The following DCLK2 variants were observed in gnomAD, a reference collection of about 807,000 sequenced individuals.
DCLK2 encodes doublecortin like kinase 2.
DCLK2 carries 31 observed loss-of-function variants against 78.4 expected under a neutral mutation model. The observed-to-expected ratio is 0.40, with a 90% confidence interval of 0.30 to 0.53. The LOEUF (loss-of-function observed/expected upper bound fraction) is 0.53. DCLK2 is among the 20% of genes least tolerant of loss of function. The probability of loss-of-function intolerance (pLI) is 0.61; values close to 1 mark genes in which losing one functional copy is unlikely to be tolerated. For synonymous variants in DCLK2, 407 were observed against 374.9 expected (o/e 1.09, Z -0.99); for missense variants, 872 against 973.7 (o/e 0.90, Z 1.39).
At chr4:150,249,930 T>C (rs2305979) in intron 15 of DCLK2, among the ~76,000 whole-genome samples, 26,046 of 151,978 alleles carry the variant, frequency 0.17, 3,052 homozygotes, top group East Asian at 0.41. Flanking sequence ...AGCTCCTGGC[T>C]GGGCCCTCTG....
intron 2 of DCLK2, among the ~76,000 whole-genome samples, chr4:150,180,527 C>T (rs1010902032): frequency 2.6e-5 from 4 of 152,204 alleles, no homozygotes; most frequent in Non-Finnish European, 4.4e-5. Flanking sequence ...TCTGCTTGAA[C>T]ACGTTCCACT....
chr4:150,195,073 G>A (rs1332402408), intron 3 of DCLK2, among the ~76,000 whole-genome samples: 2 of 140,230 alleles, frequency 1.4e-5, no homozygotes, highest in Admixed American at 1.7e-4. Context: ...ATAATGTCCT[G>A]TTACGTTATC....
chr4:150,126,973 C>T (rs1035616351), intron 2 of DCLK2, among the ~76,000 whole-genome samples: 9 of 152,154 alleles, frequency 5.9e-5, no homozygotes, highest in South Asian at 2.1e-4. Context: ...TGCTTTGTAC[C>T]GTTTGCTTCA....
intron 2 of DCLK2, among the ~76,000 whole-genome samples, chr4:150,153,692 G>C (rs1735056378): frequency 6.6e-6 from 1 of 151,986 alleles, no homozygotes; most frequent in Non-Finnish European, 1.5e-5. Context: ...CAGGATTATA[G>C]ATGTGAGCCA....
chr4:150,137,643 C>T (rs1457324021), intron 2 of DCLK2, among the ~76,000 whole-genome samples: 1 of 152,002 alleles, frequency 6.6e-6, no homozygotes, highest in Non-Finnish European at 1.5e-5. Context: ...AAAAATTTAC[C>T]AGGAACTTCC....
intron 12 of DCLK2, among the ~76,000 whole-genome samples, chr4:150,245,165 A>C (rs1743208186): frequency 6.6e-6 from 1 of 152,258 alleles, no homozygotes; most frequent in Non-Finnish European, 1.5e-5. Flanking sequence ...GAGTTCACTC[A>C]GCAGGGAAAT....
intron 8 of DCLK2, among the ~76,000 whole-genome samples, chr4:150,227,827 G>A (rs1157367098): frequency 1.3e-5 from 2 of 152,072 alleles, no homozygotes; most frequent in Non-Finnish European, 2.9e-5. Context: ...CATCTACATG[G>A]GCCCAGGCAG....
Position 150,249,643 on chromosome 4 carries a change from C to G in DCLK2, c.2032C>G (p.Pro678Ala). ...AAAACAGCACTTTAATAATGCGCTC[C>G]CCAAACAGAACAGCACTACCACCGG... Reference protein sequence around the residue: ...KLKQHFNNALPKQNSTTTGVS... With the variant: ...KLKQHFNNALAKQNSTTTGVS... The change falls in exon 15 of 16, where the codon CCC becomes GCC. Residue 678 changes from proline (P) to alanine (A), a missense_variant. Coordinates refer to ENST00000296550, the MANE Select transcript of DCLK2 (RefSeq NM_001040260.4). The G allele has an allele frequency of 6.2e-7, 1 of 1,613,724 alleles. No individual in the cohort carries two copies. The highest frequency in any genetic ancestry group is 8.5e-7 in the Non-Finnish European group (1 of 1,179,970).
In DCLK2 at chr4:150,184,264, C is replaced by A. The variant is rs558442340; in HGVS notation, c.757-8874C>A. 2.0e-5 allele frequency among the ~76,000 whole-genome samples: 3 copies of A among 152,216 alleles called. No homozygotes were observed. In the East Asian group the frequency reaches 5.8e-4, roughly 29 times the overall value. On this transcript the variant is annotated intron_variant, in intron 2 of 15. Coordinates refer to ENST00000296550, the MANE Select transcript of DCLK2 (RefSeq NM_001040260.4). The stretch of plus-strand genomic sequence containing the variant: ...GGATTTGGAGGGGCTTTGAAGATTT[C>A]TTTGAGGACATGCAAAGCTAAATCT...
intron 2 of DCLK2, among the ~76,000 whole-genome samples, chr4:150,154,081 G>A (rs2150232952): frequency 6.6e-6 from 1 of 152,336 alleles, no homozygotes; most frequent in South Asian, 2.1e-4. Context: ...GGAGAGGGAT[G>A]GTTCCCCGAT....
In DCLK2 at chr4:150,203,055, T is replaced by C. The variant is rs79194821; in HGVS notation, c.962-740T>C. Among the ~76,000 whole-genome samples, 712 of 152,310 alleles carry C rather than the reference T, an allele frequency of 4.7e-3. 6 individuals carry two copies. Among genetic ancestry groups the C allele is most frequent in the African/African-American group, 0.017 (689 of 41,570 alleles). On this transcript the variant is annotated intron_variant, in intron 4 of 15. Transcript: ENST00000296550. ...AAAGGTTCATTTGCAGATTCTGTAC[T>C]ACATAATTCTAGCATAGGATCTAAA...
chr4:150,249,457 T>G, intron 14 of DCLK2, 111 bp from the exon 15 acceptor site: 1 of 806,992 alleles, frequency 1.2e-6, no homozygotes, highest in South Asian at 1.5e-5. Flanking sequence ...GGGGCCCATT[T>G]AGGAAGAGGT....
chr4:150,116,928 T>C (rs1159133084), intron 2 of DCLK2, among the ~76,000 whole-genome samples: 1 of 152,022 alleles, frequency 6.6e-6, no homozygotes, highest in Admixed American at 6.6e-5. Flanking sequence ...GCTGTGGTGG[T>C]GGTGGTGGGA....
intron 12 of DCLK2, among the ~76,000 whole-genome samples, chr4:150,243,444 A>C (rs1200821914): frequency 6.6e-6 from 1 of 152,216 alleles, no homozygotes; most frequent in Non-Finnish European, 1.5e-5. Flanking sequence ...ACCTACTATA[A>C]TACAGAAATG....
chr4:150,229,710 A>G (rs1560891034), intron 8 of DCLK2, among the ~76,000 whole-genome samples: 2 of 152,176 alleles, frequency 1.3e-5, no homozygotes, highest in Non-Finnish European at 2.9e-5. Context: ...TTGCCAAGTT[A>G]GCAGTTTTGT....
chr4:150,159,165 G>C (rs539861076), intron 2 of DCLK2, among the ~76,000 whole-genome samples: 1 of 152,284 alleles, frequency 6.6e-6, no homozygotes, highest in East Asian at 1.9e-4. Flanking sequence ...CGGAAGGACA[G>C]ACACCACATC....
intron 15 of DCLK2, among the ~76,000 whole-genome samples, chr4:150,250,881 C>CCCCCACACA (rs1743765235): frequency 1.4e-5 from 1 of 69,694 alleles, no homozygotes; most frequent in African/African-American, 4.6e-5. Flanking sequence ...ATCCCCCACA[C>CCCCCACACA]TCCCCACACC....
At chr4:150,251,996 C>T (rs1744201497) in intron 15 of DCLK2, among the ~76,000 whole-genome samples, 1 of 152,080 alleles carries the variant, frequency 6.6e-6, no homozygotes, top group African/African-American at 2.4e-5. Flanking sequence ...CTTTTGATGG[C>T]TTGCAGGACT....
chr4:150,150,821 G>T (rs1327515064), intron 2 of DCLK2, among the ~76,000 whole-genome samples: 2 of 152,222 alleles, frequency 1.3e-5, no homozygotes, highest in African/African-American at 4.8e-5. Flanking sequence ...CAATTAATGT[G>T]CTGTGAGTGT....
Sources: allele counts gnomAD v4.1 joint callset (sites outside exome capture counted in the v4.1 genomes callset), GRCh38; gene constraint gnomAD v4.1.1; transcripts MANE v1.5; gene names NCBI Gene and HGNC (gene_info 2026-07-23, HGNC 2026-07-21).